Variants in KIF16B observed in about 807,000 individuals in gnomAD.
KIF16B encodes kinesin family member 16B.
A neutral mutation model predicts 156.3 loss-of-function variants in KIF16B; 98 were observed. That is an observed-to-expected ratio of 0.63 (90% CI 0.53 to 0.74). The LOEUF (loss-of-function observed/expected upper bound fraction) is 0.74. KIF16B is among the 30% of genes least tolerant of loss of function. The pLI is 0.00. For missense variants in KIF16B, 1,421 were observed against 1,606.5 expected, an observed-to-expected ratio of 0.88 and a Z score of 1.97; for synonymous variants, 564 against 583.7, an observed-to-expected ratio of 0.97 and a Z score of 0.49.
intron 25 of KIF16B, among the ~76,000 whole-genome samples, chr20:16,294,861 C>T (rs1177378736): frequency 6.6e-6 from 1 of 152,060 alleles, no homozygotes; most frequent in Non-Finnish European, 1.5e-5. Context: ...CATGAGGGTG[C>T]CTCTGTTAGC....
chr20:16,441,590 C>T (rs1007806463), intron 12 of KIF16B, among the ~76,000 whole-genome samples: 1 of 152,132 alleles, frequency 6.6e-6, no homozygotes, highest in African/African-American at 2.4e-5. Context: ...GGCTTGTGCC[C>T]ACACCAGATC....
Position 16,401,431 on chromosome 20 carries a change from C to T in KIF16B, c.1784+3382G>A, listed in dbSNP as rs552257288. ...ACAGATTAGGCCACAAAACCACATT[C>T]CTCTGCATAATATGTCTCATTCCAG... On this transcript the variant is annotated intron_variant, in intron 17 of 25. Coordinates refer to ENST00000354981, the MANE Select transcript of KIF16B (RefSeq NM_024704.5). 3.3e-5 allele frequency among the ~76,000 whole-genome samples: 5 copies of T among 152,330 alleles called. No homozygotes were observed. The South Asian group carries it at 6.2e-4, about 19-fold the overall frequency.
intron 15 of KIF16B, among the ~76,000 whole-genome samples, chr20:16,410,352 T>G (rs1024504551): frequency 1.7e-4 from 26 of 149,932 alleles, no homozygotes; most frequent in African/African-American, 6.4e-4. Flanking sequence ...TGTATATATA[T>G]ATAGAGAGAG....
chr20:16,301,470 A>G (rs1490234783), intron 25 of KIF16B, among the ~76,000 whole-genome samples: 1 of 152,124 alleles, frequency 6.6e-6, no homozygotes, highest in Non-Finnish European at 1.5e-5. Flanking sequence ...GACAGTTCTT[A>G]TTGTACAACC....
rs759331753 is a variant in KIF16B at position 16,406,445 on chromosome 20, G to T, written c.1624C>A (p.Leu542Ile). The part of the protein sequence containing the change: ...ATHLNQGAVI[L>I]LGRTNMFRFN... The stretch of plus-strand genomic sequence containing the variant: ...CGAAACATATTGGTTCTTCCCAAGA[G>T]AATCACAGCACCTGAAAACACACAA... The change falls in exon 16 of 26, where the codon CTC becomes ATC. Residue 542 changes from leucine (L) to isoleucine (I), a missense_variant. Coordinates refer to ENST00000354981, the MANE Select transcript of KIF16B (RefSeq NM_024704.5). The T allele has an allele frequency of 6.2e-7, 1 of 1,613,374 alleles. No individual in the cohort carries two copies. Among genetic ancestry groups the T allele is most frequent in the South Asian group, 1.1e-5 (1 of 91,046 alleles).
chr20:16,338,545 C>T lies in KIF16B; in HGVS notation c.3622-2530G>A, dbSNP rs1247713134. 2.0e-5 allele frequency among the ~76,000 whole-genome samples: 3 copies of T among 152,170 alleles called. No individual in the cohort carries two copies. In the East Asian group the frequency reaches 5.8e-4, roughly 29 times the overall value. Reference sequence around the variant, plus strand: ...GACCTCTAATGTCCTTTTACCTCTGCCCTGGTTTCTTCCTCACTCAACTTG... The same window carrying T: ...GACCTCTAATGTCCTTTTACCTCTGTCCTGGTTTCTTCCTCACTCAACTTG... On this transcript the variant is annotated intron_variant, in intron 23 of 25. Coordinates refer to ENST00000354981, the MANE Select transcript of KIF16B (RefSeq NM_024704.5).
intron 12 of KIF16B, among the ~76,000 whole-genome samples, chr20:16,485,882 T>C (rs1465861970): frequency 6.6e-6 from 1 of 152,162 alleles, no homozygotes; most frequent in East Asian, 1.9e-4. Context: ...TATACACATA[T>C]ATATACACAC....
At chr20:16,461,965 AC>A (rs1415731217) in intron 12 of KIF16B, among the ~76,000 whole-genome samples, 1 of 152,176 alleles carries the variant, frequency 6.6e-6, no homozygotes, top group Non-Finnish European at 1.5e-5. Flanking sequence ...TTCCAGATCT[AC>A]AGCCGGGCAT....
At position 16,488,240 on chromosome 20, in the gene KIF16B, T is replaced by C. The variant is rs116783062; in HGVS notation, c.1302+6051A>G. Among the ~76,000 whole-genome samples, 304 of 152,350 alleles carry C rather than the reference T, an allele frequency of 2.0e-3. 1 individual carries two copies. Among genetic ancestry groups the C allele is most frequent in the African/African-American group, 7.1e-3 (296 of 41,586 alleles). ...ACCCTCAGGGCTGCGAGGACCACTT[T>C]GCAGCTCTGCTCTGGACAGACACTC... On this transcript the variant is annotated intron_variant, in intron 12 of 25. Transcript: ENST00000354981.
At chr20:16,474,778 G>A (rs2067763863) in intron 12 of KIF16B, among the ~76,000 whole-genome samples, 1 of 152,170 alleles carries the variant, frequency 6.6e-6, no homozygotes, top group South Asian at 2.1e-4. Flanking sequence ...CAGGCCACCA[G>A]CAGTCAGCCT....
chr20:16,542,081 A>T (rs1326781478), intron 1 of KIF16B, among the ~76,000 whole-genome samples: 1 of 152,180 alleles, frequency 6.6e-6, no homozygotes, highest in East Asian at 1.9e-4. Flanking sequence ...ATTCACCACT[A>T]CACCAACTCC....
At chr20:16,566,253 G>A (rs1420831990) in intron 1 of KIF16B, among the ~76,000 whole-genome samples, 1 of 152,108 alleles carries the variant, frequency 6.6e-6, no homozygotes, top group Admixed American at 6.5e-5. Context: ...TCTCTTTACT[G>A]TCTTCCTGCA....
chr20:16,532,522 CA>C (rs1284271902), intron 1 of KIF16B, among the ~76,000 whole-genome samples: 8 of 152,132 alleles, frequency 5.3e-5, no homozygotes, highest in Non-Finnish European at 1.5e-5. Context: ...CATGTGGCTA[CA>C]AAACAAATAC....
chr20:16,499,910 G>A (rs952848235), intron 10 of KIF16B, among the ~76,000 whole-genome samples: 2 of 152,166 alleles, frequency 1.3e-5, no homozygotes, highest in Non-Finnish European at 1.5e-5. Context: ...GAAGAAAAGT[G>A]TTTCAAATCA....
intron 19 of KIF16B, among the ~76,000 whole-genome samples, chr20:16,375,620 G>T (rs2064929896): frequency 1.3e-5 from 2 of 149,542 alleles, no homozygotes; most frequent in African/African-American, 2.5e-5. Flanking sequence ...AAAAAAAAAT[G>T]ATGTCAGAGG....
At chr20:16,539,105 G>T (rs2070094631) in intron 1 of KIF16B, among the ~76,000 whole-genome samples, 1 of 151,874 alleles carries the variant, frequency 6.6e-6, no homozygotes, top group South Asian at 2.1e-4. Context: ...TATTTCTTTA[G>T]AGTAATCCAA....
intron 12 of KIF16B, among the ~76,000 whole-genome samples, chr20:16,480,961 A>G (rs1372566143): frequency 6.6e-6 from 1 of 152,232 alleles, no homozygotes; most frequent in Non-Finnish European, 1.5e-5. Flanking sequence ...TATATGAACC[A>G]TTTGATTCTA....
At chr20:16,275,846 T>C (rs1212935111) in intron 25 of KIF16B, among the ~76,000 whole-genome samples, 1 of 152,194 alleles carries the variant, frequency 6.6e-6, no homozygotes, top group Admixed American at 6.5e-5. Flanking sequence ...TTGAATTGCA[T>C]CAAACAGGGT....
At chr20:16,421,281 T>C (rs954609756) in intron 15 of KIF16B, among the ~76,000 whole-genome samples, 1 of 152,156 alleles carries the variant, frequency 6.6e-6, no homozygotes, top group African/African-American at 2.4e-5. Flanking sequence ...CTGTTCCCCA[T>C]TTATTATATT....
Sources: allele counts gnomAD v4.1 joint callset (sites outside exome capture counted in the v4.1 genomes callset), GRCh38; gene constraint gnomAD v4.1.1; transcripts MANE v1.5; gene names NCBI Gene and HGNC (gene_info 2026-07-23, HGNC 2026-07-21).